POLE: variants seen among roughly 807,000 people sequenced by gnomAD.
POLE encodes DNA polymerase epsilon, catalytic subunit.
Under a neutral mutation model 279.2 loss-of-function variants are expected in POLE, and 188 were observed. The ratio of observed to expected loss-of-function variants is 0.67; its 90% CI spans 0.60 to 0.76. The LOEUF is 0.76. Among genes scored for constraint, POLE ranks in the 30% least tolerant of loss-of-function variants. POLE has a pLI of 0.00. For missense variants in POLE, 2,703 were observed against 3,016.7 expected, an observed-to-expected ratio of 0.90 and a Z score of 2.44; for synonymous variants, 1,214 against 1,172.5, an observed-to-expected ratio of 1.04 and a Z score of -0.72.
chr12:132,632,931 CT>C, intron 43 of POLE, 136 bp from the exon 44 acceptor site: 1 of 950,940 alleles, frequency 1.1e-6, no homozygotes, highest in Admixed American at 2.8e-5. Context: ...TATCTGCAGC[CT>C]TTAGATGAGC....
intron 26 of POLE, chr12:132,658,179 T>C: frequency 2.0e-6 from 1 of 510,348 alleles, no homozygotes; most frequent in Non-Finnish European, 3.6e-6. Flanking sequence ...CGTGCGTGTG[T>C]GCACGTAAAC....
Position 132,673,588 on chromosome 12 carries a change from G to A in POLE, c.1346C>T (p.Thr449Met), listed in dbSNP as rs780299012. Residue 449 changes from threonine (T) to methionine (M), a missense_variant, in exon 13 of 49, where the codon ACG becomes ATG. Transcript: ENST00000320574. ...LDPEDMCRMA[T>M]EQPQTLATYS... ...TGGCTTACGTGCCTGGGGCTGCTCC[G>A]TGGCCATCCGGCACATGTCCTCCGG... The A allele has an allele frequency of 1.6e-5, 26 of 1,612,514 alleles. No individual in the cohort carries two copies. The East Asian group carries it at 3.3e-4, about 21-fold the overall frequency.
rs753421179 is a variant in POLE, at chr12:132,665,342, A to G, written c.2428T>C (p.Cys810Arg). The G allele has an allele frequency of 3.7e-6, 6 of 1,613,806 alleles. No individual in the cohort carries two copies. Among genetic ancestry groups the G allele is most frequent in the Admixed American group, 3.3e-5 (2 of 59,976 alleles). ...LYDSLQLAHK[C>R]ILNSFYGYVM... ...TAGCCATAGAAGGAGTTCAGGATGCACTTGTGGGCCAGCTGCAGCGAGTCA... is the reference window on the plus strand; with the variant it reads ...TAGCCATAGAAGGAGTTCAGGATGCGCTTGTGGGCCAGCTGCAGCGAGTCA... Residue 810 changes from cysteine (C) to arginine (R), a missense_variant, in exon 21 of 49, where the codon TGC (cysteine) becomes CGC (arginine). Physicochemically the swap from Cys to Arg is radical, Grantham distance 180. Around this residue, in one of 5 missense-constraint regions of POLE, gnomAD observed 1,011 missense variants for 1,111.7 expected, o/e 0.91. Transcript: ENST00000320574.
Position 132,658,881 on chromosome 12 carries a change from C to CAAAAAAAAAAA in POLE, c.3275+403_3275+413dup, listed in dbSNP as rs1167117347. 5.0e-3 allele frequency among the ~76,000 whole-genome samples: 170 copies of CAAAAAAAAAAA among 33,830 alleles called. 40 individuals carry two copies. Among genetic ancestry groups the CAAAAAAAAAAA allele is most frequent in the African/African-American group, 0.013 (125 of 9,772 alleles). 22.2% of individuals were successfully genotyped at this position (33,830 alleles called of 152,430 possible). On this transcript the variant is annotated intron_variant, in intron 26 of 48. Coordinates refer to ENST00000320574, the MANE Select transcript of POLE (RefSeq NM_006231.4). ...ACTGGTCCTATTTGTATATAACCAC[C>CAAAAAAAAAAA]AAAAAAAAAAAAAAAAAAAAAAAAA...
chr12:132,673,519 G>A (rs2042978270), intron 13 of POLE, 56 bp downstream of exon 13: 1 of 1,578,176 alleles, frequency 6.3e-7, no homozygotes, highest in Non-Finnish European at 8.6e-7. Context: ...GCTGCTCCGT[G>A]GCCATCTGGA....
In POLE at chr12:132,677,736, G is replaced by C. The variant is rs767447935; in HGVS notation, c.579-17C>G. 5 of 1,612,406 alleles carry C rather than the reference G, an allele frequency of 3.1e-6. No homozygotes were observed. Among genetic ancestry groups the C allele is most frequent in the African/African-American group, 1.3e-5 (1 of 75,030 alleles). On this transcript the variant is annotated splice_polypyrimidine_tract_variant and intron_variant, in intron 6 of 48. Coordinates refer to ENST00000320574, the MANE Select transcript of POLE (RefSeq NM_006231.4). ...TGCAGAACACTAGGAATTAACAAGA[G>C]AGCAACTAACTCAGCTGCCAGGGTC...
intron 29 of POLE, among the ~76,000 whole-genome samples, chr12:132,654,601 G>A (rs571216724): frequency 6.6e-6 from 1 of 152,144 alleles, no homozygotes; most frequent in East Asian, 1.9e-4. Context: ...GACCAGCCAG[G>A]ACAACATGAC....
chr12:132,670,399 C>A (rs1280933922), intron 16 of POLE, among the ~76,000 whole-genome samples: 3 of 151,498 alleles, frequency 2.0e-5, no homozygotes, highest in Non-Finnish European at 4.4e-5. Context: ...GTCTCGCCAC[C>A]ACGCCTGGGT....
At chr12:132,637,962 A>T (rs2138498963) in intron 41 of POLE, 52 bp downstream of exon 41, 1 of 1,598,530 alleles carries the variant, frequency 6.3e-7, no homozygotes, top group South Asian at 1.1e-5. Context: ...GGGTCATTTT[A>T]GCATCCCTCT....
chr12:132,660,976 T>C lies in POLE; in HGVS notation c.3053A>G (p.Tyr1018Cys), dbSNP rs2042664871. The change falls in exon 25 of 49, where the codon TAC becomes TGC. Residue 1018 changes from tyrosine to cysteine, a missense_variant. Tyr to Cys is a radical substitution (Grantham distance 194, BLOSUM62 -2). Transcript: ENST00000320574. The stretch of plus-strand genomic sequence containing the variant: ...TGGAGGGTAGGCCTTTACCTTGCTG[T>C]ACAGCACGTCCAGCCAGTAGTCAGC... ...KVADYWLDVL[Y>C]SKAANMPDSE... 6.2e-7 allele frequency: 1 copy of C among 1,610,032 alleles called. No homozygotes were observed. The highest frequency in any genetic ancestry group is 8.5e-7 in the Non-Finnish European group (1 of 1,177,956).
chr12:132,630,877 A>C (rs2041922205), intron 45 of POLE, among the ~76,000 whole-genome samples: 1 of 152,260 alleles, frequency 6.6e-6, no homozygotes, highest in African/African-American at 2.4e-5. Flanking sequence ...CACACTGCTG[A>C]GGAGACCCTG....
rs533495706 is a variant in POLE, at chr12:132,632,228, T to C, written c.6330+87A>G. 45 of 1,061,504 alleles carry C rather than the reference T, an allele frequency of 4.2e-5. No individual in the cohort carries two copies. The East Asian group carries it at 1.1e-3, about 26-fold the overall frequency. The allele number at this position is 1,061,504 out of a possible 1,614,324, so 65.8% of individuals were successfully genotyped here. ...CGCTAGCACGTTCATGGTGCACGCA[T>C]TACAGCCTCACCTTGCACACAGTAA... On this transcript the variant is annotated intron_variant, in intron 45 of 48. Coordinates refer to ENST00000320574, the MANE Select transcript of POLE (RefSeq NM_006231.4).
In POLE at chr12:132,639,354, C is replaced by G; in HGVS notation, c.5379-56G>C. 3 of 1,550,608 alleles carry G rather than the reference C, an allele frequency of 1.9e-6. No homozygotes were observed. Among genetic ancestry groups the G allele is most frequent in the Admixed American group, 3.4e-5 (2 of 58,614 alleles). Reference sequence around the variant, plus strand: ...CCCTCAGCCTCCCACGCTGCTGCCACGCGGGACGCTCCAACTGAAATGGGC... The same window carrying G: ...CCCTCAGCCTCCCACGCTGCTGCCAGGCGGGACGCTCCAACTGAAATGGGC... On this transcript the variant is annotated intron_variant, in intron 39 of 48. Coordinates refer to ENST00000320574, the MANE Select transcript of POLE (RefSeq NM_006231.4). The surrounding 1 kb of genome is among the most constrained non-coding windows in gnomAD (Gnocchi z 4.7).
At chr12:132,677,827 A>C in intron 6 of POLE, 108 bp from the exon 7 acceptor site, 1 of 1,053,748 alleles carries the variant, frequency 9.5e-7, no homozygotes, top group South Asian at 1.5e-5. Flanking sequence ...AAACCGAGGA[A>C]ACACAAAAGG....
chr12:132,683,409 C>T (rs2043208010), intron 1 of POLE, among the ~76,000 whole-genome samples: 1 of 152,106 alleles, frequency 6.6e-6, no homozygotes, highest in Non-Finnish European at 1.5e-5. Flanking sequence ...CGGGAACCAT[C>T]ACAATAAATA....
chr12:132,685,856 C>T (rs1055054247), intron 1 of POLE, among the ~76,000 whole-genome samples: 3 of 152,018 alleles, frequency 2.0e-5, no homozygotes, highest in Non-Finnish European at 2.9e-5. Context: ...TAAAAAGCTT[C>T]ACGTTCTCAC....
chr12:132,682,301 A>AG (rs1555230609), intron 1 of POLE, among the ~76,000 whole-genome samples: 1 of 138,880 alleles, frequency 7.2e-6, no homozygotes, highest in African/African-American at 2.8e-5. Context: ...CAAAAAAAAA[A>AG]AAATAAATAA....
Position 132,667,611 on chromosome 12 carries a change from G to A in POLE, c.2211C>T (p.Thr737=), listed in dbSNP as rs2135970724. ...CRKAYKKIHI[T]KVEERLTTIC... is the part of the protein sequence containing the mutation. ...TGGTGGTGAGACGCTCTTCCACCTT[G>A]GTGATGTGGATCTTCTTGTAGGCTT... Residue 737 remains threonine, a synonymous_variant, in exon 20 of 49, where the codon ACC becomes ACT. Coordinates refer to ENST00000320574, the MANE Select transcript of POLE (RefSeq NM_006231.4). The A allele has an allele frequency of 6.2e-7, 1 of 1,614,060 alleles. No homozygotes were observed. Among genetic ancestry groups the A allele is most frequent in the Non-Finnish European group, 8.5e-7 (1 of 1,179,904 alleles).
In POLE at chr12:132,626,336, A is replaced by G. The variant is rs2138432711; in HGVS notation, c.6331-19T>C. Reference sequence around the variant, plus strand: ...ACAGCACCTGCAGAGACCACAGCCCACATCGGGAAGGAGCTCCCGGGGCCT... The same window carrying G: ...ACAGCACCTGCAGAGACCACAGCCCGCATCGGGAAGGAGCTCCCGGGGCCT... On this transcript the variant is annotated intron_variant, in intron 45 of 48. Coordinates refer to ENST00000320574, the MANE Select transcript of POLE (RefSeq NM_006231.4). 1.9e-6 allele frequency: 3 copies of G among 1,612,714 alleles called. No homozygotes were observed. Among genetic ancestry groups the G allele is most frequent in the Non-Finnish European group, 2.5e-6 (3 of 1,179,488 alleles).
Sources: allele counts gnomAD v4.1 joint callset (sites outside exome capture counted in the v4.1 genomes callset), GRCh38; gene constraint gnomAD v4.1.1; regional missense constraint gnomAD v4.1.1; non-coding constraint Gnocchi (gnomAD v3.1); transcripts MANE v1.5; gene names NCBI Gene and HGNC (gene_info 2026-07-23, HGNC 2026-07-21).